Variants in RYR2 observed in about 807,000 individuals in gnomAD.
The protein encoded by RYR2 is cardiac muscle ryanodine receptor-calcium release channel.
Under a neutral mutation model 601.1 loss-of-function variants are expected in RYR2, and 227 were observed. The ratio of observed to expected loss-of-function variants is 0.38; its 90% CI spans 0.34 to 0.42. RYR2 has a LOEUF of 0.42. Ranked by LOEUF, RYR2 falls within the 10% of genes least tolerant of loss-of-function variation. RYR2 has a pLI of 1.00. For missense variants in RYR2, 4,646 were observed against 6,156.5 expected (o/e 0.75, Z 8.21); for synonymous variants, 2,223 against 2,175.1 (o/e 1.02, Z -0.61).
chr1:237,339,104 A>G (rs1697513331), intron 3 of RYR2, among the ~76,000 whole-genome samples: 1 of 152,146 alleles, frequency 6.6e-6, no homozygotes, highest in South Asian at 2.1e-4. Context: ...AACTCCATTA[A>G]AATACAGAAT....
At chr1:237,626,237 T>C (rs909007137) in intron 40 of RYR2, among the ~76,000 whole-genome samples, 3 of 152,188 alleles carry the variant, frequency 2.0e-5, no homozygotes, top group African/African-American at 7.2e-5. Flanking sequence ...ATACTTCTGG[T>C]TGATCCATAT....
At chr1:237,421,051 T>C (rs1374928493) in intron 11 of RYR2, among the ~76,000 whole-genome samples, 2 of 152,118 alleles carry the variant, frequency 1.3e-5, no homozygotes, top group East Asian at 1.9e-4. Flanking sequence ...CCATCCTGGC[T>C]AACATGATGA....
At chr1:237,408,371 C>T (rs116264036) in intron 10 of RYR2, among the ~76,000 whole-genome samples, 1,347 of 104,164 alleles carry the variant, frequency 0.013, 37 homozygotes, top group African/African-American at 0.069. Context: ...TTATGAAGGG[C>T]GTGGTCTGTG....
chr1:237,100,643 C>G (rs1399098778), intron 1 of RYR2, among the ~76,000 whole-genome samples: 3 of 152,124 alleles, frequency 2.0e-5, no homozygotes, highest in Non-Finnish European at 4.4e-5. Context: ...GCCTCAGCCT[C>G]CCAAACTTCT....
chr1:237,190,033 C>A (rs1190103465), intron 1 of RYR2, among the ~76,000 whole-genome samples: 1 of 151,896 alleles, frequency 6.6e-6, no homozygotes, highest in Admixed American at 6.6e-5. Flanking sequence ...CCACCACGCC[C>A]AGCTAATTTA....
Position 237,364,386 on chromosome 1 carries a change from A to G in RYR2, c.309+14A>G, listed in dbSNP as rs779462450. 4.0e-6 allele frequency: 6 copies of G among 1,484,278 alleles called. No individual in the cohort carries two copies. The highest frequency in any genetic ancestry group is 5.6e-6 in the Non-Finnish European group (6 of 1,078,874). The allele number at this position is 1,484,278 out of a possible 1,614,324, so 91.9% of individuals were successfully genotyped here. ...TTCATGATGAAGGTAAGACATCTTA[A>G]TATATATGCTATGTATATATATAGC... On this transcript the variant is annotated intron_variant, in intron 5 of 104. Transcript: ENST00000366574.
chr1:237,169,266 A>G (rs1677060767), intron 1 of RYR2, among the ~76,000 whole-genome samples: 1 of 151,446 alleles, frequency 6.6e-6, no homozygotes, highest in African/African-American at 2.4e-5. Context: ...CATGATATGG[A>G]TGGGTTACTC....
intron 35 of RYR2, among the ~76,000 whole-genome samples, chr1:237,602,413 T>G (rs1676606822): frequency 6.6e-6 from 1 of 152,198 alleles, no homozygotes; most frequent in South Asian, 2.1e-4. Flanking sequence ...TGAATGGACT[T>G]AAAGATCTGA....
In RYR2 at chr1:237,785,156, T is replaced by G. The variant is rs577222450; in HGVS notation, c.13260+184T>G. ...TTAAGAGTCCTTATGAATTATTAAATTATCTTAAACTATTATGGTGTAAGC... is the reference window on the plus strand; with the variant it reads ...TTAAGAGTCCTTATGAATTATTAAAGTATCTTAAACTATTATGGTGTAAGC... On this transcript the variant is annotated intron_variant, in intron 90 of 104. Transcript: ENST00000366574. 343 of 623,358 alleles carry G rather than the reference T, an allele frequency of 5.5e-4. 5 individuals are homozygous for G. The South Asian group carries it at 6.3e-3, about 11-fold the overall frequency. 38.6% of individuals were successfully genotyped at this position (623,358 alleles called of 1,614,324 possible). A position where few individuals can be genotyped will look rare whatever the true frequency, so the allele number is the denominator to read the frequency against.
At chr1:237,726,216 A>G (rs1558296560) in intron 74 of RYR2, 57 bp from the exon 75 acceptor site, 16 of 1,142,120 alleles carry the variant, frequency 1.4e-5, no homozygotes, top group Admixed American at 1.0e-4. Flanking sequence ...TTTACTGCAA[A>G]GGATAATAAA....
intron 102 of RYR2, chr1:237,830,252 A>G (rs1449120482): frequency 6.3e-6 from 2 of 317,168 alleles, no homozygotes. Flanking sequence ...GGCTAGAGAA[A>G]GGAAGAGACG....
intron 7 of RYR2, among the ~76,000 whole-genome samples, chr1:237,375,258 C>T (rs1005074651): frequency 1.3e-5 from 2 of 152,200 alleles, no homozygotes; most frequent in African/African-American, 4.8e-5. Context: ...AGCAGACATG[C>T]ATTTTCAGAT....
chr1:237,179,105 C>T (rs1678409821), intron 1 of RYR2, among the ~76,000 whole-genome samples: 2 of 152,076 alleles, frequency 1.3e-5, no homozygotes, highest in Admixed American at 6.6e-5. Context: ...TTAGGGCAAT[C>T]CTAGCTCTCT....
chr1:237,730,690 AACTGT>A (rs1188145950), intron 77 of RYR2, among the ~76,000 whole-genome samples: 1 of 152,176 alleles, frequency 6.6e-6, no homozygotes, highest in African/African-American at 2.4e-5. Context: ...TAAAAGAATG[AACTGT>A]CAAGAAGTTA....
chr1:237,077,803 C>G (rs868254933), intron 1 of RYR2, among the ~76,000 whole-genome samples: 1 of 152,214 alleles, frequency 6.6e-6, no homozygotes, highest in African/African-American at 2.4e-5. Context: ...AACCATCCAC[C>G]CCAAATCAAC....
At position 237,130,175 on chromosome 1, in the gene RYR2, CAT is replaced by C. The variant is rs540910227; in HGVS notation, c.48+87609_48+87610del. 9.5e-4 allele frequency among the ~76,000 whole-genome samples: 145 copies of C among 152,024 alleles called. 2 individuals are homozygous for C. The highest frequency in any genetic ancestry group is 3.5e-3 in the African/African-American group (143 of 41,302). On this transcript the variant is annotated intron_variant, in intron 1 of 104. Transcript: ENST00000366574. ...TGAGTTAATCATTTCACATTATATA[CAT>C]ATGTCAAAACATCACGTTGTACACA...
chr1:237,102,840 G>A (rs999663346), intron 1 of RYR2, among the ~76,000 whole-genome samples: 13 of 152,118 alleles, frequency 8.5e-5, no homozygotes, highest in South Asian at 8.3e-4. Context: ...GGGCAACAGA[G>A]CAAGACTCCA....
intron 68 of RYR2, among the ~76,000 whole-genome samples, chr1:237,707,777 T>G (rs1688502043): frequency 6.6e-6 from 1 of 152,052 alleles, no homozygotes; most frequent in Non-Finnish European, 1.5e-5. Flanking sequence ...TGTTTTTTGT[T>G]TGTTTGTTTA....
intron 1 of RYR2, among the ~76,000 whole-genome samples, chr1:237,072,958 A>C (rs12085953): frequency 0.058 from 8,828 of 150,992 alleles, 879 homozygotes; most frequent in African/African-American, 0.19. Context: ...AAAAAAAAAA[A>C]AAAAAACAAA....
Sources: allele counts gnomAD v4.1 joint callset (sites outside exome capture counted in the v4.1 genomes callset), GRCh38; gene constraint gnomAD v4.1.1; transcripts MANE v1.5; gene names NCBI Gene and HGNC (gene_info 2026-07-23, HGNC 2026-07-21).